Variants in DNAAF8 observed in about 807,000 individuals in gnomAD.
DNAAF8 encodes the protein dynein axonemal assembly factor 8.
DNAAF8 carries 61 observed loss-of-function variants against 54.6 expected under a neutral mutation model. That is an observed-to-expected ratio of 1.12 (90% CI 0.91 to 1.38). The LOEUF is 1.38. Among genes scored for constraint, DNAAF8 ranks in the 40% most tolerant of loss-of-function variants. The pLI is 0.00. For synonymous variants in DNAAF8, 320 were observed against 270.1 expected (o/e 1.18, Z -1.81); for missense variants, 837 against 665.0 (o/e 1.26, Z -2.85).
intron 3 of DNAAF8, among the ~76,000 whole-genome samples, chr16:4,739,265 G>GGTTTTTTTTTTTTTTTTTTTTTT (rs1555482695): frequency 3.8e-4 from 26 of 69,032 alleles, no homozygotes; most frequent in South Asian, 6.4e-4. Context: ...ATTTTTTCTT[G>GGTTTTTTTTTTTTTTTTTTTTTT]TTTTTTTTTT....
chr16:4,746,912 T>A lies in DNAAF8; in HGVS notation c.1182-15T>A. ...TGGAGTGGGCACATCCAGAAACCCA[T>A]TTCTCTCCCTGCAGCTCCAGCCACA... is the stretch of plus-strand genomic sequence containing the variant. On this transcript the variant is annotated splice_polypyrimidine_tract_variant and intron_variant, in intron 7 of 9. Transcript: ENST00000299320. 2 of 1,538,020 alleles carry A rather than the reference T, an allele frequency of 1.3e-6. No homozygotes were observed. Among genetic ancestry groups the A allele is most frequent in the Non-Finnish European group, 1.7e-6 (2 of 1,143,534 alleles).
At chr16:4,736,988 G>A (rs529235040) in intron 2 of DNAAF8, among the ~76,000 whole-genome samples, 4 of 152,124 alleles carry the variant, frequency 2.6e-5, no homozygotes, top group East Asian at 1.9e-4. Flanking sequence ...CCACTCTCTC[G>A]TGCCAGGACA....
In DNAAF8 at chr16:4,737,935, T is replaced by A; in HGVS notation, c.265T>A (p.Ser89Thr). ...GGCCTGGGTCGCTGCAGCTGAAGAG[T>A]CCCTTCCCGAGGTCTGTGGGACACA... ...SRAWVAAAEE[S>T]LPEPVLVPAE... Residue 89 changes from serine (S) to threonine (T), a missense_variant, in exon 3 of 10, where the codon TCC becomes ACC. By Grantham distance (58) the Ser-to-Thr change is moderately conservative. Coordinates refer to ENST00000299320, the MANE Select transcript of DNAAF8 (RefSeq NM_139170.3). The A allele has an allele frequency of 1.2e-6, 2 of 1,614,012 alleles. No homozygotes were observed. The highest frequency in any genetic ancestry group is 1.7e-6 in the Non-Finnish European group (2 of 1,179,988).
In DNAAF8 at chr16:4,736,616, C is replaced by A. The variant is rs1432656040; in HGVS notation, c.102C>A (p.Leu34=). 1 of 1,584,576 alleles carries A rather than the reference C, an allele frequency of 6.3e-7. No individual in the cohort carries two copies. Among genetic ancestry groups the A allele is most frequent in the Admixed American group, 1.7e-5 (1 of 58,262 alleles). The change falls in exon 2 of 10, where the codon CTC becomes CTA. Residue 34 remains leucine (L), a synonymous_variant. Coordinates refer to ENST00000299320, the MANE Select transcript of DNAAF8 (RefSeq NM_139170.3). The stretch of plus-strand genomic sequence containing the variant: ...TCCTCAAGGCTGTCAAAGACCAGCT[C>A]CCGTCTCTGGACTCAGACTCCCCTT... The part of the protein sequence containing the change: ...DAILKAVKDQ[L]PSLDSDSPLS...
chr16:4,742,935 C>A (rs552407223), intron 4 of DNAAF8, 108 bp from the exon 5 acceptor site: 5 of 897,206 alleles, frequency 5.6e-6, no homozygotes, highest in Non-Finnish European at 7.2e-6. Context: ...TGATTTCTAC[C>A]CCCAACATCC....
chr16:4,746,985 G>C lies in DNAAF8; in HGVS notation c.1240G>C (p.Gly414Arg), dbSNP rs531886723. The change falls in exon 8 of 10, where the codon GGA becomes CGA. Residue 414 changes from glycine to arginine, a missense_variant. Gly to Arg is a moderately radical substitution (Grantham distance 125). Coordinates refer to ENST00000299320, the MANE Select transcript of DNAAF8 (RefSeq NM_139170.3). ...GGAGGAGGAAGAGATGGCAGCTCTG[G>C]GAGACGCAGAGGGGGCATCTCCTTC... ...EEEEEEMAAL[G>R]DAEGASPSSL... 6.5e-7 allele frequency: 1 copy of C among 1,548,660 alleles called. No individual in the cohort carries two copies. Among genetic ancestry groups the C allele is most frequent in the East Asian group, 2.4e-5 (1 of 41,750 alleles).
In DNAAF8 at chr16:4,747,142, G is replaced by A. The variant is rs1036950193; in HGVS notation, c.1280+117G>A. The stretch of plus-strand genomic sequence containing the variant: ...GAGGTCTTGCTGCACCCACCGCACA[G>A]GGTGAGGGGGACGGCACAGCTTTCA... On this transcript the variant is annotated intron_variant, in intron 8 of 9. Coordinates refer to ENST00000299320, the MANE Select transcript of DNAAF8 (RefSeq NM_139170.3). The A allele has an allele frequency of 3.3e-6, 4 of 1,219,056 alleles. No homozygotes were observed. The African/African-American group carries it at 4.6e-5, about 14-fold the overall frequency. 75.5% of individuals were successfully genotyped at this position (1,219,056 alleles called of 1,614,324 possible).
At position 4,734,708 on chromosome 16, in the gene DNAAF8, C is replaced by T. The variant is rs961407929; in HGVS notation, c.-52+10C>T. On this transcript the variant is annotated intron_variant, in intron 1 of 9. Transcript: ENST00000299320. The stretch of plus-strand genomic sequence containing the variant: ...GAGGCAGAGGCCTGAGGTGAGGGGC[C>T]TCGGGCCTGCTGCGCCTGCAGGGAG... The T allele has an allele frequency of 6.6e-6, 1 of 152,134 alleles. No individual in the cohort carries two copies. Among genetic ancestry groups the T allele is most frequent in the African/African-American group, 2.4e-5 (1 of 41,428 alleles). 9.4% of individuals were successfully genotyped at this position (152,134 alleles called of 1,614,324 possible).
At chr16:4,745,395 G>T (rs1185669739) in intron 6 of DNAAF8, among the ~76,000 whole-genome samples, 1 of 152,202 alleles carries the variant, frequency 6.6e-6, no homozygotes, top group African/African-American at 2.4e-5. Flanking sequence ...CCAGCTGCGG[G>T]ATTTTTCAAT....
At chr16:4,743,207 C>T (rs2081975058) in intron 5 of DNAAF8, 47 bp downstream of exon 5, 1 of 1,363,394 alleles carries the variant, frequency 7.3e-7, no homozygotes, top group Non-Finnish European at 1.0e-6. Flanking sequence ...ACAAGCAGCA[C>T]CTTCCTGGGC....
intron 6 of DNAAF8, 79 bp from the exon 7 acceptor site, chr16:4,746,296 T>C (rs2082016793): frequency 6.9e-7 from 1 of 1,451,024 alleles, no homozygotes; most frequent in Non-Finnish European, 9.4e-7. Context: ...CCACGAGCAC[T>C]GTGACTGGAC....
intron 5 of DNAAF8, chr16:4,743,919 ATTCTTTT>A (rs1479546550): frequency 2.5e-5 from 3 of 121,786 alleles, no homozygotes; most frequent in Non-Finnish European, 5.1e-5. Flanking sequence ...GGCAGAATGT[ATTCTTTT>A]TTTTTTTTTT....
chr16:4,734,987 G>A (rs1170107644), intron 1 of DNAAF8: 1 of 152,210 alleles, frequency 6.6e-6, no homozygotes, highest in Non-Finnish European at 1.5e-5. Flanking sequence ...GTTATTCAGA[G>A]GCGGCTCCGA....
chr16:4,743,478 T>C (rs2081976862), intron 5 of DNAAF8: 3 of 211,958 alleles, frequency 1.4e-5, no homozygotes, highest in Non-Finnish European at 2.8e-5. Flanking sequence ...TCCCTCCTCC[T>C]CCTTCCTGGG....
rs1292903656 is a variant in DNAAF8, at chr16:4,736,503, G to A, written c.-12G>A. ...TGGTGCACTGAGAAGGCATCTGGAA[G>A]CCTGGGCCCTCATGGCATCCAACGA... On this transcript the variant is annotated 5_prime_UTR_variant, in exon 2 of 10. Transcript: ENST00000299320. 1 of 1,535,744 alleles carries A rather than the reference G, an allele frequency of 6.5e-7. No individual in the cohort carries two copies. The highest frequency in any genetic ancestry group is 1.2e-5 in the South Asian group (1 of 80,670).
rs756631772 is a variant in DNAAF8 at position 4,740,610 on chromosome 16, A to C, written c.734A>C (p.Lys245Thr). ...CHAAESAPRS[K>T]MPLVEPPEGP... is the part of the protein sequence containing the mutation. ...GCTGCGGAGTCAGCTCCCAGATCCA[A>C]AATGCCCCTCGTGGAGCCTCCGGAG... Residue 245 changes from lysine to threonine, a missense_variant, in exon 4 of 10, where the codon AAA becomes ACA. By Grantham distance (78) the Lys-to-Thr change is moderately conservative. Transcript: ENST00000299320. The C allele has an allele frequency of 6.2e-7, 1 of 1,612,290 alleles. No homozygotes were observed. The highest frequency in any genetic ancestry group is 8.5e-7 in the Non-Finnish European group (1 of 1,179,928).
intron 2 of DNAAF8, 70 bp from the exon 3 acceptor site, chr16:4,737,729 GC>G (rs1277960930): frequency 2.0e-5 from 31 of 1,547,904 alleles, no homozygotes; most frequent in Non-Finnish European, 2.5e-5. Flanking sequence ...AGAGTGGAGA[GC>G]GGGGGTGGCT....
At chr16:4,734,913 G>T (rs1281690240) in intron 1 of DNAAF8, 1 of 152,168 alleles carries the variant, frequency 6.6e-6, no homozygotes, top group Non-Finnish European at 1.5e-5. Flanking sequence ...GAACCGGGGC[G>T]GGGCTGTGGC....
chr16:4,746,080 T>C, intron 6 of DNAAF8: 2 of 306,662 alleles, frequency 6.5e-6, no homozygotes, highest in Non-Finnish European at 1.2e-5. Flanking sequence ...CTGAATGTTT[T>C]ATGCATTGGA....
Sources: allele counts gnomAD v4.1 joint callset (sites outside exome capture counted in the v4.1 genomes callset), GRCh38; gene constraint gnomAD v4.1.1; transcripts MANE v1.5; gene names NCBI Gene and HGNC (gene_info 2026-07-23, HGNC 2026-07-21).